The following CTNNA2 variants were observed in gnomAD, a reference collection of about 807,000 sequenced individuals.
The protein encoded by CTNNA2 is catenin alpha 2.
In CTNNA2, 42 loss-of-function variants were observed where a neutral mutation model predicts 101.0. The observed-to-expected ratio is 0.42, with a 90% CI of 0.32 to 0.54. The LOEUF (loss-of-function observed/expected upper bound fraction) is 0.54. Ranked by LOEUF, CTNNA2 falls within the 20% of genes least tolerant of loss-of-function variation. The pLI is 0.14. For missense variants in CTNNA2, 871 were observed against 1,223.1 expected (o/e 0.71, Z 4.29); for synonymous variants, 450 against 456.4 (o/e 0.99, Z 0.18).
At chr2:79,190,396 A>G (rs1327976076) in intron 1 of CTNNA2, among the ~76,000 whole-genome samples, 2 of 152,088 alleles carry the variant, frequency 1.3e-5, no homozygotes, top group African/African-American at 4.8e-5. Flanking sequence ...GTGAATTTCA[A>G]CGTCTGTTTA....
intron 7 of CTNNA2, among the ~76,000 whole-genome samples, chr2:80,018,881 G>T (rs76961419): frequency 1.3e-5 from 2 of 151,762 alleles, no homozygotes; most frequent in Non-Finnish European, 2.9e-5. Flanking sequence ...TTCTGAAAGC[G>T]AAAGAGTAGG....
chr2:79,302,497 CT>C (rs1676136449), intron 2 of CTNNA2, among the ~76,000 whole-genome samples: 1 of 152,156 alleles, frequency 6.6e-6, no homozygotes, highest in African/African-American at 2.4e-5. Context: ...CTTCTTTAGT[CT>C]TTTCTTTAGA....
chr2:80,375,169 T>G (rs888429179), intron 7 of CTNNA2, among the ~76,000 whole-genome samples: 1 of 152,150 alleles, frequency 6.6e-6, no homozygotes, highest in African/African-American at 2.4e-5. Context: ...CTTTCTTTGT[T>G]TTCCATTTAA....
At chr2:79,812,052 T>C (rs905401672) in intron 3 of CTNNA2, among the ~76,000 whole-genome samples, 85 of 152,186 alleles carry the variant, frequency 5.6e-4, no homozygotes, top group Non-Finnish European at 7.5e-4. Context: ...TAGTTTAGTT[T>C]TGTGTGCATG....
At chr2:80,017,259 C>T (rs1188787112) in intron 7 of CTNNA2, among the ~76,000 whole-genome samples, 2 of 151,948 alleles carry the variant, frequency 1.3e-5, no homozygotes, top group Non-Finnish European at 2.9e-5. Context: ...ATACCTGGCA[C>T]TATTAGGCAC....
chr2:80,610,793 A>C (rs1053508951), intron 17 of CTNNA2, among the ~76,000 whole-genome samples: 12 of 151,788 alleles, frequency 7.9e-5, no homozygotes, highest in Middle Eastern at 3.4e-3. Context: ...TATGTATACA[A>C]ACTGAGAAAG....
Position 79,994,871 on chromosome 2 carries a change from C to T in CTNNA2, c.1056+85074C>T, listed in dbSNP as rs530429588. Among the ~76,000 whole-genome samples, 10 of 152,284 alleles carry T rather than the reference C, an allele frequency of 6.6e-5. No individual in the cohort carries two copies. The South Asian group carries it at 2.1e-3, about 32-fold the overall frequency. ...ACTTCCGCCCTGATGTTCCTACCCC[C>T]ACCATGGCCTCAGAGAACCAAGGCT... On this transcript the variant is annotated intron_variant, in intron 7 of 18. Coordinates refer to ENST00000402739, the MANE Select transcript of CTNNA2 (RefSeq NM_001282597.3).
intron 7 of CTNNA2, among the ~76,000 whole-genome samples, chr2:80,319,752 A>G (rs2149243964): frequency 6.6e-6 from 1 of 152,294 alleles, no homozygotes; most frequent in South Asian, 2.1e-4. Context: ...AGTAAACTAG[A>G]TGGCATTTAC....
At chr2:79,588,607 G>T (rs1016598666) in intron 1 of CTNNA2, among the ~76,000 whole-genome samples, 2 of 151,986 alleles carry the variant, frequency 1.3e-5, no homozygotes, top group South Asian at 2.1e-4. Context: ...AAGTTTTCTG[G>T]TAAAGTATAT....
chr2:79,299,481 T>C lies in CTNNA2; in HGVS notation c.-405-13228T>C, dbSNP rs565946706. 1.0e-3 allele frequency among the ~76,000 whole-genome samples: 157 copies of C among 152,334 alleles called. 1 individual carries two copies. The highest frequency in any genetic ancestry group is 3.6e-3 in the African/African-American group (149 of 41,564). ...GGTTAATTGAATTTTTATAGATTAA[T>C]TCTCCTTTCCCGATTCTAAGAGGTT... On this transcript the variant is annotated intron_variant, in intron 2 of 21. Coordinates refer to the CTNNA2 transcript ENST00000466387.
intron 7 of CTNNA2, among the ~76,000 whole-genome samples, chr2:80,043,180 T>A (rs146409680): frequency 9.3e-6 from 1 of 107,760 alleles, no homozygotes; most frequent in Admixed American, 1.1e-4. Flanking sequence ...CTTCCTTCCT[T>A]CCTTTCTTTC....
chr2:79,404,295 T>C (rs1678319385), intron 4 of CTNNA2, among the ~76,000 whole-genome samples: 1 of 152,004 alleles, frequency 6.6e-6, no homozygotes, highest in Non-Finnish European at 1.5e-5. Context: ...CTACCTTTCT[T>C]TGTGACAGCA....
At chr2:79,526,590 A>G (rs1026626877) in intron 1 of CTNNA2, among the ~76,000 whole-genome samples, 33 of 152,110 alleles carry the variant, frequency 2.2e-4, no homozygotes, top group Admixed American at 6.6e-5. Context: ...CAAAAGTATA[A>G]TAATCGAGAC....
chr2:80,443,135 C>T (rs372459353), intron 9 of CTNNA2, among the ~76,000 whole-genome samples: 6 of 152,286 alleles, frequency 3.9e-5, no homozygotes, highest in South Asian at 2.1e-4. Context: ...TTCACTTAAT[C>T]GTGCCTTGGG....
At chr2:80,089,261 T>A (rs967849007) in intron 7 of CTNNA2, among the ~76,000 whole-genome samples, 1 of 151,994 alleles carries the variant, frequency 6.6e-6, no homozygotes, top group Non-Finnish European at 1.5e-5. Context: ...AGTGGGAAGG[T>A]TGTTGGAAAA....
At chr2:80,487,356 C>T (rs1227761734) in intron 9 of CTNNA2, among the ~76,000 whole-genome samples, 1 of 151,434 alleles carries the variant, frequency 6.6e-6, no homozygotes, top group African/African-American at 2.4e-5. Context: ...TCTCATGCTG[C>T]TATAAAGAAC....
chr2:79,229,832 G>C (rs1393136369), intron 2 of CTNNA2, among the ~76,000 whole-genome samples: 1 of 152,212 alleles, frequency 6.6e-6, no homozygotes, highest in Non-Finnish European at 1.5e-5. Flanking sequence ...GAGAAATGAG[G>C]AACTTGTTGG....
chr2:80,257,588 G>C (rs1210917904), intron 7 of CTNNA2, among the ~76,000 whole-genome samples: 1 of 152,198 alleles, frequency 6.6e-6, no homozygotes, highest in East Asian at 1.9e-4. Context: ...AGAGAGGCTG[G>C]AAGGTAGATC....
Position 80,303,885 on chromosome 2 carries a change from C to A in CTNNA2, c.1057-89326C>A. On this transcript the variant is annotated intron_variant, in intron 7 of 18. Coordinates refer to ENST00000402739, the MANE Select transcript of CTNNA2 (RefSeq NM_001282597.3). This position sits in a 1 kb window ranked among gnomAD's most constrained non-coding sequence, Gnocchi z 7.7. Reference sequence around the variant, plus strand: ...GAAGCGCTCGGTCAGAAATCTACATCATATTTTATTCCGAGGGAGGGGAAG... The same window carrying A: ...GAAGCGCTCGGTCAGAAATCTACATAATATTTTATTCCGAGGGAGGGGAAG... 6.9e-7 allele frequency: 1 copy of A among 1,454,516 alleles called. No individual in the cohort carries two copies. Among genetic ancestry groups the A allele is most frequent in the South Asian group, 1.7e-5 (1 of 58,766 alleles). 90.1% of individuals were successfully genotyped at this position (1,454,516 alleles called of 1,614,324 possible). A position where few individuals can be genotyped will look rare whatever the true frequency, so the allele number is the denominator to read the frequency against.
Sources: allele counts gnomAD v4.1 joint callset (sites outside exome capture counted in the v4.1 genomes callset), GRCh38; gene constraint gnomAD v4.1.1; non-coding constraint Gnocchi (gnomAD v3.1); transcripts MANE v1.5; gene names NCBI Gene and HGNC (gene_info 2026-07-23, HGNC 2026-07-21).